Variants in PDLIM5 observed in about 807,000 individuals in gnomAD.
The protein encoded by PDLIM5 is PDZ and LIM domain protein 5.
In PDLIM5, 34 loss-of-function variants were observed where a neutral mutation model predicts 64.2. That is an observed-to-expected ratio of 0.53 (90% CI 0.40 to 0.71). The LOEUF (loss-of-function observed/expected upper bound fraction) is 0.71, where lower values mean the gene tolerates loss of function less well. Ranked by LOEUF, PDLIM5 falls within the 30% of genes least tolerant of loss-of-function variation. PDLIM5 has a pLI of 0.00. For synonymous variants in PDLIM5, 253 were observed against 269.1 expected, an observed-to-expected ratio of 0.94 and a Z score of 0.59; for missense variants, 683 against 733.6, an observed-to-expected ratio of 0.93 and a Z score of 0.80.
In PDLIM5 at chr4:94,575,909, C is replaced by T. The variant is rs773177005; in HGVS notation, c.585C>T (p.Ser195=). Residue 195 remains serine, a synonymous_variant, in exon 5 of 13, where the codon AGC becomes AGT. Transcript: ENST00000317968. ...CTGACCAGTCTCCATCTGCACTGAG[C>T]GCTGGTAAAACTGCAGTTAATGTCC... is the stretch of plus-strand genomic sequence containing the variant. ...LSADQSPSAL[S]AGKTAVNVPR... 51 of 1,613,926 alleles carry T rather than the reference C, an allele frequency of 3.2e-5. No homozygotes were observed. The highest frequency in any genetic ancestry group is 4.2e-5 in the Non-Finnish European group (49 of 1,179,966).
intron 3 of PDLIM5, among the ~76,000 whole-genome samples, chr4:94,524,864 G>A (rs1385418483): frequency 2.0e-5 from 3 of 152,086 alleles, no homozygotes; most frequent in Non-Finnish European, 4.4e-5. Flanking sequence ...TGGGCTGAAG[G>A]CAAGGGAGGA....
intron 2 of PDLIM5, among the ~76,000 whole-genome samples, chr4:94,473,564 T>A (rs1320924525): frequency 6.6e-6 from 1 of 152,230 alleles, no homozygotes; most frequent in Non-Finnish European, 1.5e-5. Context: ...CTGGCCCAGA[T>A]GATTTTAGAG....
intron 2 of PDLIM5, among the ~76,000 whole-genome samples, chr4:94,516,508 GTCTCTCTCTC>G (rs3838638): frequency 1.1e-4 from 16 of 149,950 alleles, no homozygotes; most frequent in South Asian, 4.3e-4. Context: ...ATCCAAAGCA[GTCTCTCTCTC>G]TCTCTCTCTC....
In PDLIM5 at chr4:94,602,483, C is replaced by T. The variant is rs748743647; in HGVS notation, c.921-15521C>T. Among the ~76,000 whole-genome samples the T allele has an allele frequency of 2.0e-4, 30 of 150,894 alleles. 1 individual carries two copies. The highest frequency in any genetic ancestry group is 3.2e-4 in the Non-Finnish European group (22 of 67,770). The stretch of plus-strand genomic sequence containing the variant: ...CTGGTTTCTTTTTGAGACGGAGTTT[C>T]GCTCTCTCATCCAGGCTGGAATGCA... On this transcript the variant is annotated intron_variant, in intron 7 of 12. Coordinates refer to ENST00000317968, the MANE Select transcript of PDLIM5 (RefSeq NM_006457.5).
intron 2 of PDLIM5, among the ~76,000 whole-genome samples, chr4:94,503,386 C>A (rs1459859583): frequency 6.6e-6 from 1 of 152,168 alleles, no homozygotes; most frequent in Non-Finnish European, 1.5e-5. Context: ...ATTTCTTAAT[C>A]TGTCTTTAGC....
chr4:94,477,486 C>G (rs1316629485), intron 2 of PDLIM5, among the ~76,000 whole-genome samples: 2 of 152,082 alleles, frequency 1.3e-5, no homozygotes, highest in African/African-American at 4.8e-5. Context: ...AGAGATACTT[C>G]CTTTTTTGGA....
intron 3 of PDLIM5, among the ~76,000 whole-genome samples, chr4:94,571,654 A>ATTAT (rs1734812498): frequency 1.3e-5 from 2 of 152,188 alleles, no homozygotes; most frequent in African/African-American, 4.8e-5. Flanking sequence ...TTTTTTCGTA[A>ATTAT]TTATACCTCA....
chr4:94,476,493 CAATA>C (rs1419223186), intron 2 of PDLIM5, among the ~76,000 whole-genome samples: 1 of 151,986 alleles, frequency 6.6e-6, no homozygotes, highest in Non-Finnish European at 1.5e-5. Context: ...AAAAGCAAAA[CAATA>C]AAACCCCCTG....
At chr4:94,507,187 C>CGAT (rs1728467121) in intron 2 of PDLIM5, among the ~76,000 whole-genome samples, 1 of 151,918 alleles carries the variant, frequency 6.6e-6, no homozygotes, top group South Asian at 2.1e-4. Flanking sequence ...ATCTTGTGAT[C>CGAT]ATGTGAGCCA....
chr4:94,481,290 CTT>C (rs35147211), intron 2 of PDLIM5, among the ~76,000 whole-genome samples: 49,992 of 128,774 alleles, frequency 0.39, 7,691 homozygotes, highest in African/African-American at 0.44. Context: ...CAGCTTATTC[CTT>C]TTTTTTTTTT....
At chr4:94,660,007 C>T (rs1742553416) in intron 11 of PDLIM5, among the ~76,000 whole-genome samples, 1 of 150,966 alleles carries the variant, frequency 6.6e-6, no homozygotes, top group Non-Finnish European at 1.5e-5. Flanking sequence ...GGCGATTCTT[C>T]TGCCTCACCT....
chr4:94,576,469 T>C (rs1159532942), intron 5 of PDLIM5, among the ~76,000 whole-genome samples: 1 of 152,228 alleles, frequency 6.6e-6, no homozygotes, highest in African/African-American at 2.4e-5. Flanking sequence ...TAAGGGGTTT[T>C]TTTTCTAGGA....
chr4:94,523,370 G>A (rs1432787188), intron 2 of PDLIM5, among the ~76,000 whole-genome samples: 1 of 152,136 alleles, frequency 6.6e-6, no homozygotes, highest in African/African-American at 2.4e-5. Context: ...CATTCAGATT[G>A]CATTCTTTTT....
At chr4:94,521,693 T>C (rs1039658951) in intron 2 of PDLIM5, among the ~76,000 whole-genome samples, 1 of 151,992 alleles carries the variant, frequency 6.6e-6, no homozygotes, top group African/African-American at 2.4e-5. Context: ...CTTTCTACGA[T>C]GTTCATTACC....
At chr4:94,590,164 A>G (rs1462145960) in intron 7 of PDLIM5, among the ~76,000 whole-genome samples, 1 of 152,208 alleles carries the variant, frequency 6.6e-6, no homozygotes, top group Non-Finnish European at 1.5e-5. Context: ...AAATTACAGT[A>G]TTTGTGGAAA....
intron 2 of PDLIM5, among the ~76,000 whole-genome samples, chr4:94,509,187 T>C (rs1207795949): frequency 6.6e-6 from 1 of 152,198 alleles, no homozygotes; most frequent in Non-Finnish European, 1.5e-5. Flanking sequence ...CTGCCTGGAA[T>C]GCCTTGTCTC....
intron 11 of PDLIM5, among the ~76,000 whole-genome samples, chr4:94,660,428 G>C (rs1742599900): frequency 6.6e-6 from 1 of 152,128 alleles, no homozygotes; most frequent in Admixed American, 6.5e-5. Context: ...CCTCTTCAGA[G>C]AGGCCTTTTC....
intron 3 of PDLIM5, 124 bp from the exon 4 acceptor site, chr4:94,573,227 A>G (rs564141886): frequency 2.9e-6 from 2 of 695,688 alleles, no homozygotes; most frequent in East Asian, 2.7e-5. Flanking sequence ...GAATTATGAA[A>G]CGATACATTC....
intron 9 of PDLIM5, among the ~76,000 whole-genome samples, chr4:94,646,600 A>G (rs1292103464): frequency 2.0e-5 from 3 of 152,242 alleles, no homozygotes; most frequent in African/African-American, 7.2e-5. Context: ...AGATGCATCT[A>G]GGATTACATC....
Sources: gnomAD v4.1 joint callset for allele counts (sites outside exome capture counted in the v4.1 genomes callset) on GRCh38, gnomAD v4.1.1 for gene constraint, MANE v1.5 for transcripts, NCBI Gene and HGNC (gene_info 2026-07-23, HGNC 2026-07-21) for gene names.